Variants in LRRCC1 observed in about 807,000 individuals in gnomAD.
LRRCC1 encodes leucine-rich repeat and coiled-coil domain-containing protein 1.
A neutral mutation model predicts 126.0 loss-of-function variants in LRRCC1; 115 were observed. The observed-to-expected ratio is 0.91, with a 90% confidence interval of 0.78 to 1.07. The LOEUF (loss-of-function observed/expected upper bound fraction) is 1.07. LRRCC1 is among the 50% of genes least tolerant of loss of function. The probability of loss-of-function intolerance (pLI) is 0.00; values close to 1 mark genes in which losing one functional copy is unlikely to be tolerated. For missense variants in LRRCC1, 1,172 were observed against 1,175.7 expected (o/e 1.00, Z 0.05); for synonymous variants, 400 against 393.4 (o/e 1.02, Z -0.20).
In LRRCC1 at chr8:85,129,961, G is replaced by A. The variant is rs754615983; in HGVS notation, c.1669G>A (p.Asp557Asn). 8.8e-6 allele frequency: 14 copies of A among 1,595,548 alleles called. No individual in the cohort carries two copies. The highest frequency in any genetic ancestry group is 6.8e-5 in the African/African-American group (5 of 73,232). Residue 557 changes from aspartate (D) to asparagine (N), a missense_variant, in exon 11 of 19, where the codon GAT (aspartate) becomes AAT (asparagine). Physicochemically the swap from Asp to Asn is conservative, Grantham distance 23. Coordinates refer to ENST00000360375, the MANE Select transcript of LRRCC1 (RefSeq NM_033402.5). ...GGTGGAACTCAAAGCTTCAGCTGCC[G>A]ATAGAGAAATATACTTACTTAGAAC... ...QEVELKASAA[D>N]REIYLLRTSL...
chr8:85,131,683 G>T, intron 11 of LRRCC1, 77 bp from the exon 12 acceptor site: 2 of 1,087,698 alleles, frequency 1.8e-6, no homozygotes, highest in Non-Finnish European at 2.7e-6. Flanking sequence ...AGAATATTAA[G>T]AACTACGTAA....
At chr8:85,119,655 G>A (rs764892969) in intron 6 of LRRCC1, among the ~76,000 whole-genome samples, 7 of 151,820 alleles carry the variant, frequency 4.6e-5, no homozygotes, top group East Asian at 3.9e-4. Flanking sequence ...TACCACACCC[G>A]GCTAATTTTT....
At position 85,137,581 on chromosome 8, in the gene LRRCC1, G is replaced by A; in HGVS notation, c.2447G>A (p.Cys816Tyr). 3 of 1,505,168 alleles carry A rather than the reference G, an allele frequency of 2.0e-6. No individual in the cohort carries two copies. Among genetic ancestry groups the A allele is most frequent in the South Asian group, 2.9e-5 (2 of 69,510 alleles). 93.2% of individuals were successfully genotyped at this position (1,505,168 alleles called of 1,614,324 possible). A position where few individuals can be genotyped will look rare whatever the true frequency, so the allele number is the denominator to read the frequency against. Residue 816 changes from cysteine to tyrosine, a missense_variant, in exon 15 of 19, where the codon TGC becomes TAC. Coordinates refer to ENST00000360375, the MANE Select transcript of LRRCC1 (RefSeq NM_033402.5). ...GATAGTGATGCATTAAGAATAAAGT[G>A]CAAAATCATAGACGACCAAACTGAA... ...ESDSDALRIK[C>Y]KIIDDQTETI... is the part of the protein sequence containing the mutation.
intron 18 of LRRCC1, among the ~76,000 whole-genome samples, chr8:85,144,442 GTGTATATATATATATATA>G (rs1811497084): frequency 9.4e-6 from 1 of 106,772 alleles, no homozygotes; most frequent in South Asian, 3.1e-4. Context: ...GTGTGTGTGT[GTGTATATATATATATATA>G]TATATATATA....
intron 10 of LRRCC1, among the ~76,000 whole-genome samples, chr8:85,129,636 G>A (rs533419914): frequency 6.6e-6 from 1 of 152,288 alleles, no homozygotes; most frequent in African/African-American, 2.4e-5. Context: ...GAGAGAGCTG[G>A]CTTTTTAAAA....
chr8:85,134,501 G>A (rs1413464648), intron 12 of LRRCC1, among the ~76,000 whole-genome samples: 2 of 152,094 alleles, frequency 1.3e-5, no homozygotes, highest in African/African-American at 4.8e-5. Context: ...TGTATTTTTA[G>A]TAGAGATAGG....
chr8:85,131,359 A>G (rs1810447779), intron 11 of LRRCC1, among the ~76,000 whole-genome samples: 1 of 152,228 alleles, frequency 6.6e-6, no homozygotes, highest in African/African-American at 2.4e-5. Context: ...AAAGATTAGT[A>G]AATAATTTTA....
intron 12 of LRRCC1, among the ~76,000 whole-genome samples, chr8:85,134,548 G>C (rs758264571): frequency 2.0e-5 from 3 of 152,148 alleles, no homozygotes; most frequent in Non-Finnish European, 4.4e-5. Flanking sequence ...TCAAACTTCT[G>C]ACCTCAAGTG....
At chr8:85,113,962 C>T (rs1424216147) in intron 4 of LRRCC1, among the ~76,000 whole-genome samples, 1 of 152,048 alleles carries the variant, frequency 6.6e-6, no homozygotes. Flanking sequence ...AAGTTAGCTA[C>T]AGAGGCTTCA....
At chr8:85,113,166 T>C (rs1243106011) in intron 4 of LRRCC1, 67 bp downstream of exon 4, 15 of 1,268,234 alleles carry the variant, frequency 1.2e-5, no homozygotes, top group East Asian at 5.0e-5. Context: ...TTTCCTGAAA[T>C]TGGCATTCGT....
intron 2 of LRRCC1, 124 bp downstream of exon 2, chr8:85,109,924 A>G: frequency 1.6e-6 from 1 of 633,104 alleles, no homozygotes; most frequent in Non-Finnish European, 2.6e-6. Flanking sequence ...TCATTATACA[A>G]AATATTTTCT....
chr8:85,131,676 A>G, intron 11 of LRRCC1, 84 bp from the exon 12 acceptor site: 1 of 1,012,082 alleles, frequency 9.9e-7, no homozygotes, highest in Non-Finnish European at 1.4e-6. Context: ...TGAATATAGA[A>G]TATTAAGAAC....
intron 6 of LRRCC1, among the ~76,000 whole-genome samples, chr8:85,116,677 A>G (rs1029230472): frequency 6.6e-6 from 1 of 152,184 alleles, no homozygotes; most frequent in African/African-American, 2.4e-5. Flanking sequence ...CCCAACCTCT[A>G]TAACTAAATT....
rs1206284772 is a variant in LRRCC1 at position 85,145,677 on chromosome 8, G to A, written c.*166G>A. The A allele has an allele frequency of 6.9e-6, 3 of 432,124 alleles. No individual in the cohort carries two copies. Among genetic ancestry groups the A allele is most frequent in the Admixed American group, 4.9e-5 (1 of 20,560 alleles). The allele number at this position is 432,124 out of a possible 1,614,324, so 26.8% of individuals were successfully genotyped here. On this transcript the variant is annotated 3_prime_UTR_variant, in exon 19 of 19. Coordinates refer to ENST00000360375, the MANE Select transcript of LRRCC1 (RefSeq NM_033402.5). ...TGATCAAGTATTTATTAATTGTATAGGTTTTTTATAATAAATTGTTGACAA... is the reference window on the plus strand; with the variant it reads ...TGATCAAGTATTTATTAATTGTATAAGTTTTTTATAATAAATTGTTGACAA...
intron 6 of LRRCC1, among the ~76,000 whole-genome samples, chr8:85,119,930 C>G (rs1169991167): frequency 1.3e-5 from 2 of 152,136 alleles, no homozygotes; most frequent in African/African-American, 2.4e-5. Context: ...TTTGCTTTTG[C>G]TATTGTACAG....
chr8:85,131,103 C>T (rs2135974895), intron 11 of LRRCC1, among the ~76,000 whole-genome samples: 1 of 152,202 alleles, frequency 6.6e-6, no homozygotes, highest in Admixed American at 6.5e-5. Context: ...TTTTGGTGCT[C>T]TGGGGAAAAT....
intron 3 of LRRCC1, among the ~76,000 whole-genome samples, chr8:85,111,337 A>T (rs776233725): frequency 2.6e-5 from 4 of 152,246 alleles, no homozygotes; most frequent in Non-Finnish European, 5.9e-5. Flanking sequence ...AGATCGCAGC[A>T]TTGCACTCCA....
intron 12 of LRRCC1, among the ~76,000 whole-genome samples, chr8:85,132,538 ACAGG>A (rs1810561478): frequency 6.6e-6 from 1 of 151,926 alleles, no homozygotes; most frequent in Admixed American, 6.6e-5. Flanking sequence ...GACTACAGTC[ACAGG>A]CCACCACGCC....
intron 8 of LRRCC1, among the ~76,000 whole-genome samples, chr8:85,125,446 G>A (rs1164679880): frequency 2.0e-5 from 3 of 151,674 alleles, no homozygotes; most frequent in Non-Finnish European, 4.4e-5. Context: ...GGCCGAGGCG[G>A]GCGGATCACG....
Sources: allele counts gnomAD v4.1 joint callset (sites outside exome capture counted in the v4.1 genomes callset), GRCh38; gene constraint gnomAD v4.1.1; transcripts MANE v1.5; gene names NCBI Gene and HGNC (gene_info 2026-07-23, HGNC 2026-07-21).